SEZ6L: variants seen among roughly 807,000 people sequenced by gnomAD.
SEZ6L encodes seizure related 6 homolog like.
Under a neutral mutation model 106.2 loss-of-function variants are expected in SEZ6L, and 37 were observed. The ratio of observed to expected loss-of-function variants is 0.35; its 90% CI spans 0.27 to 0.46. SEZ6L has a LOEUF of 0.46. Among genes scored for constraint, SEZ6L ranks in the 20% least tolerant of loss-of-function variants. The pLI, the probability that SEZ6L is intolerant of heterozygous loss-of-function variation, is 1.00. For synonymous variants in SEZ6L, 541 were observed against 570.4 expected (o/e 0.95, Z 0.73); for missense variants, 1,172 against 1,332.8 (o/e 0.88, Z 1.88).
chr22:26,369,685 C>T (rs1018190083), intron 13 of SEZ6L, among the ~76,000 whole-genome samples: 1 of 151,692 alleles, frequency 6.6e-6, no homozygotes, highest in Non-Finnish European at 1.5e-5. Context: ...TGAAGAGCAG[C>T]GAACAGTAAG....
intron 1 of SEZ6L, among the ~76,000 whole-genome samples, chr22:26,182,684 G>A (rs943007594): frequency 6.6e-6 from 1 of 152,028 alleles, no homozygotes; most frequent in Admixed American, 6.6e-5. Flanking sequence ...AAAACATTCT[G>A]TGGGAATTCA....
In SEZ6L at chr22:26,347,894, C is replaced by A. The variant is rs779805369; in HGVS notation, c.2388C>A (p.Asp796Glu). The A allele has an allele frequency of 6.4e-7, 1 of 1,570,252 alleles. No individual in the cohort carries two copies. Among genetic ancestry groups the A allele is most frequent in the South Asian group, 1.2e-5 (1 of 84,122 alleles). ...TCQWDLSWSS[D>E]PPFCEKIMYC... The stretch of plus-strand genomic sequence containing the variant: ...AGTGGGACCTCAGCTGGAGCAGCGA[C>A]CCCCCATTTTGTGAGAAAAGTAAGA... The change falls in exon 11 of 17, where the codon GAC becomes GAA. Residue 796 changes from aspartate to glutamate, a missense_variant. By Grantham distance (45) the Asp-to-Glu change is conservative (BLOSUM62 2). This residue lies in a region of SEZ6L where 534 missense variants were observed against 691.0 expected (regional missense o/e 0.77). Transcript: ENST00000248933.
intron 1 of SEZ6L, among the ~76,000 whole-genome samples, chr22:26,253,097 A>G (rs1376208166): frequency 2.6e-5 from 4 of 152,156 alleles, no homozygotes; most frequent in Non-Finnish European, 5.9e-5. Context: ...ATCTCCCTAG[A>G]AGGGTGGGTA....
intron 1 of SEZ6L, among the ~76,000 whole-genome samples, chr22:26,268,580 A>G (rs2080261593): frequency 6.6e-6 from 1 of 152,248 alleles, no homozygotes; most frequent in South Asian, 2.1e-4. Flanking sequence ...CAATGAATTC[A>G]GAATAAAATC....
chr22:26,179,938 A>G (rs954318141), intron 1 of SEZ6L, among the ~76,000 whole-genome samples: 2 of 152,170 alleles, frequency 1.3e-5, no homozygotes, highest in African/African-American at 4.8e-5. Flanking sequence ...TTAAGATCAG[A>G]TTGAATTAAA....
chr22:26,298,714 C>G (rs573254271), intron 4 of SEZ6L, among the ~76,000 whole-genome samples: 1 of 152,262 alleles, frequency 6.6e-6, no homozygotes, highest in South Asian at 2.1e-4. Flanking sequence ...GAGATAGGCT[C>G]AAAGGAGGTA....
Position 26,169,725 on chromosome 22 carries a change from C to A in SEZ6L, c.56C>A (p.Ala19Asp). Reference protein sequence around the residue: ...AGLRGISLFLALLLGSPAAAL... With the variant: ...AGLRGISLFLDLLLGSPAAAL... ...CTCCGCGGGATCTCGCTGTTCCTCG[C>A]TCTGCTCCTGGGGAGCCCGGCGGCA... Residue 19 changes from alanine (A) to aspartate (D), a missense_variant, in exon 1 of 17, where the codon GCT (alanine) becomes GAT (aspartate). Ala to Asp is a moderately radical substitution (Grantham distance 126). Transcript: ENST00000248933. The A allele has an allele frequency of 7.8e-7, 1 of 1,288,234 alleles. No individual in the cohort carries two copies. The highest frequency in any genetic ancestry group is 2.5e-5 in the South Asian group (1 of 40,694). 79.8% of individuals were successfully genotyped at this position (1,288,234 alleles called of 1,614,324 possible). A position where few individuals can be genotyped will look rare whatever the true frequency, so the allele number is the denominator to read the frequency against.
In SEZ6L at chr22:26,292,793, C is replaced by T. The variant is rs201671037; in HGVS notation, c.482C>T (p.Thr161Met). Residue 161 changes from threonine (T) to methionine (M), a missense_variant, in exon 2 of 17, where the codon ACG becomes ATG. Coordinates refer to ENST00000248933, the MANE Select transcript of SEZ6L (RefSeq NM_021115.5). ...SQGLDLLSSS[T>M]EKPGPPGDPD... Reference sequence around the variant, plus strand: ...GGCCTAGATCTCCTCTCCTCCTCCACGGAGAAGCCTGGCCCACCGGGGGAC... The same window carrying T: ...GGCCTAGATCTCCTCTCCTCCTCCATGGAGAAGCCTGGCCCACCGGGGGAC... 1.5e-3 allele frequency: 2,479 copies of T among 1,614,092 alleles called. 42 individuals are homozygous for T. In the South Asian group the frequency reaches 0.025, roughly 16 times the overall value.
intron 13 of SEZ6L, 69 bp from the exon 14 acceptor site, chr22:26,373,382 T>C: frequency 7.3e-7 from 1 of 1,375,438 alleles, no homozygotes; most frequent in Non-Finnish European, 1.0e-6. Flanking sequence ...TCAAATTTTT[T>C]GGCCTCATTT....
chr22:26,312,002 G>A (rs1174555990), intron 8 of SEZ6L, 40 bp downstream of exon 8: 3 of 1,589,016 alleles, frequency 1.9e-6, no homozygotes, highest in Non-Finnish European at 2.6e-6. Context: ...GCACCCCAGG[G>A]ATCTCCACCC....
In SEZ6L at chr22:26,374,263, C is replaced by CTTTT. The variant is rs112702936; in HGVS notation, c.2827+789_2827+792dup. Among the ~76,000 whole-genome samples, 277 of 141,274 alleles carry CTTTT rather than the reference C, an allele frequency of 2.0e-3. 2 individuals are homozygous for CTTTT. Among genetic ancestry groups the CTTTT allele is most frequent in the African/African-American group, 6.8e-3 (262 of 38,634 alleles). 92.7% of individuals were successfully genotyped at this position (141,274 alleles called of 152,430 possible). A position where few individuals can be genotyped will look rare whatever the true frequency, so the allele number is the denominator to read the frequency against. ...AAATATATACTGTAATATATTGTTTCTTTTTTTTTTTTAATGTTTTTACCA... is the reference window on the plus strand; with the variant it reads ...AAATATATACTGTAATATATTGTTTCTTTTTTTTTTTTTTTTAATGTTTTTACCA... On this transcript the variant is annotated intron_variant, in intron 14 of 16. Transcript: ENST00000248933.
intron 1 of SEZ6L, among the ~76,000 whole-genome samples, chr22:26,266,426 A>G (rs1438084683): frequency 6.6e-6 from 1 of 150,592 alleles, no homozygotes; most frequent in Non-Finnish European, 1.5e-5. Context: ...ACAAAAATTT[A>G]GCCGGGCGTG....
At chr22:26,312,005 C>T (rs1434260247) in intron 8 of SEZ6L, 43 bp downstream of exon 8, 2 of 1,579,148 alleles carry the variant, frequency 1.3e-6, no homozygotes, top group South Asian at 1.1e-5. Flanking sequence ...CCCCAGGGAT[C>T]TCCACCCTTT....
intron 1 of SEZ6L, among the ~76,000 whole-genome samples, chr22:26,264,868 T>C (rs1490981540): frequency 6.6e-6 from 1 of 152,242 alleles, no homozygotes; most frequent in Non-Finnish European, 1.5e-5. Flanking sequence ...GGAGTTTTAA[T>C]GGAGCTTCTG....
At position 26,292,258 on chromosome 22, in the gene SEZ6L, G is replaced by A. The variant is rs1319360508; in HGVS notation, c.95-148G>A. The A allele has an allele frequency of 2.5e-5, 15 of 599,320 alleles. No homozygotes were observed. The Admixed American group carries it at 2.8e-4, about 11-fold the overall frequency. 37.1% of individuals were successfully genotyped at this position (599,320 alleles called of 1,614,324 possible). ...GGAAGGAGGAGAAAAAAGAAAGGAA[G>A]GGAGGGAGGGAGAAAGGAGAAGTTG... is the stretch of plus-strand genomic sequence containing the variant. On this transcript the variant is annotated intron_variant, in intron 1 of 16. Coordinates refer to ENST00000248933, the MANE Select transcript of SEZ6L (RefSeq NM_021115.5).
At chr22:26,284,170 C>T (rs1343515651) in intron 1 of SEZ6L, among the ~76,000 whole-genome samples, 1 of 152,212 alleles carries the variant, frequency 6.6e-6, no homozygotes, top group Non-Finnish European at 1.5e-5. Context: ...GAATGGCTGT[C>T]CAGTGTCTTA....
chr22:26,351,532 T>G lies in SEZ6L; in HGVS notation c.2599+289T>G, dbSNP rs62225727. ...TTGTTTTTTTGTTTGTTTGTTTGTT[T>G]GTTTGTTTGTTTGTTGGTTGGTTGG... On this transcript the variant is annotated intron_variant, in intron 12 of 16. Coordinates refer to ENST00000248933, the MANE Select transcript of SEZ6L (RefSeq NM_021115.5). The G allele has an allele frequency of 1.2e-4, 22 of 183,656 alleles. No homozygotes were observed. The South Asian group carries it at 1.2e-3, about 10-fold the overall frequency. The allele number at this position is 183,656 out of a possible 1,614,324, so 11.4% of individuals were successfully genotyped here.
intron 1 of SEZ6L, among the ~76,000 whole-genome samples, chr22:26,173,994 C>T (rs902206289): frequency 1.3e-5 from 2 of 152,178 alleles, no homozygotes; most frequent in South Asian, 2.1e-4. Context: ...GGGACACAGA[C>T]ATTTGATCTA....
At chr22:26,338,545 G>A (rs1294798881) in intron 9 of SEZ6L, among the ~76,000 whole-genome samples, 1 of 149,326 alleles carries the variant, frequency 6.7e-6, no homozygotes, top group Non-Finnish European at 1.5e-5. Flanking sequence ...CTACAGAGGT[G>A]CACCACCACA....
Sources: gnomAD v4.1 joint callset for allele counts (sites outside exome capture counted in the v4.1 genomes callset) on GRCh38, gnomAD v4.1.1 for gene constraint, gnomAD v4.1.1 regional missense constraint, MANE v1.5 for transcripts, NCBI Gene and HGNC (gene_info 2026-07-23, HGNC 2026-07-21) for gene names.